The following KALRN variants were observed in gnomAD, a reference collection of about 807,000 sequenced individuals.
The protein encoded by KALRN is kalirin.
KALRN carries 70 observed loss-of-function variants against 353.7 expected under a neutral mutation model. The ratio of observed to expected loss-of-function variants is 0.20; its 90% confidence interval spans 0.16 to 0.24. KALRN has a LOEUF of 0.24. KALRN is among the 10% of genes least tolerant of loss of function. KALRN has a pLI of 1.00. For synonymous variants in KALRN, 1,391 were observed against 1,434.8 expected (o/e 0.97, Z 0.69); for missense variants, 2,791 against 3,756.7 (o/e 0.74, Z 6.72).
chr3:124,080,921 C>T (rs1227047159), intron 1 of KALRN, among the ~76,000 whole-genome samples: 1 of 152,180 alleles, frequency 6.6e-6, no homozygotes, highest in African/African-American at 2.4e-5. Flanking sequence ...AAAAGTCAAA[C>T]ACAACAATTA....
intron 34 of KALRN, among the ~76,000 whole-genome samples, chr3:124,624,250 G>T (rs377399547): frequency 6.6e-6 from 1 of 152,288 alleles, no homozygotes; most frequent in East Asian, 1.9e-4. Flanking sequence ...GCATTGCAGT[G>T]CTTGCGTTCA....
chr3:124,715,560 C>G lies in KALRN; in HGVS notation c.8277-1687C>G, dbSNP rs149635362. ...CCTACTCCACTCTACTCTGATCACTCTTACCTCACCCTTAGCAGGGTCAGA... is the reference window on the plus strand; with the variant it reads ...CCTACTCCACTCTACTCTGATCACTGTTACCTCACCCTTAGCAGGGTCAGA... On this transcript the variant is annotated intron_variant, in intron 58 of 59. Coordinates refer to ENST00000682506, the MANE Select transcript of KALRN (RefSeq NM_001388419.1). Among the ~76,000 whole-genome samples, 954 of 152,350 alleles carry G rather than the reference C, an allele frequency of 6.3e-3. 4 individuals carry two copies. Among genetic ancestry groups the G allele is most frequent in the Non-Finnish European group, 9.7e-3 (661 of 68,038 alleles).
At chr3:124,441,685 G>A (rs907328089) in intron 18 of KALRN, among the ~76,000 whole-genome samples, 1 of 152,092 alleles carries the variant, frequency 6.6e-6, no homozygotes, top group South Asian at 2.1e-4. Flanking sequence ...AGTTACCTAG[G>A]TGTGGCGGTG....
At chr3:124,395,076 C>A in intron 11 of KALRN, 59 bp from the exon 12 acceptor site, 1 of 1,402,216 alleles carries the variant, frequency 7.1e-7, no homozygotes, top group Non-Finnish European at 1.0e-6. Context: ...TCCTTGCCCT[C>A]ACCCCAGCCC....
At chr3:124,286,079 C>CTTTCTTTCT (rs376110673) in intron 5 of KALRN, among the ~76,000 whole-genome samples, 1 of 110,594 alleles carries the variant, frequency 9.0e-6, no homozygotes, top group Non-Finnish European at 1.9e-5. Context: ...TCTTTCTTTC[C>CTTTCTTTCT]TTCCTTTCTT....
chr3:124,109,311 A>G (rs995274773), intron 1 of KALRN, among the ~76,000 whole-genome samples: 3 of 151,848 alleles, frequency 2.0e-5, no homozygotes, highest in East Asian at 1.9e-4. Context: ...GATGCATTCT[A>G]GATAATTTCC....
chr3:124,583,389 G>T (rs894467614), intron 34 of KALRN, among the ~76,000 whole-genome samples: 4 of 151,980 alleles, frequency 2.6e-5, no homozygotes, highest in Non-Finnish European at 5.9e-5. Context: ...CCACTGATGT[G>T]GTCCAAGTGG....
chr3:124,244,465 G>T lies in KALRN; in HGVS notation c.263+9522G>T, dbSNP rs146767290. Among the ~76,000 whole-genome samples, 984 of 152,194 alleles carry T rather than the reference G, an allele frequency of 6.5e-3. 10 individuals carry two copies. The highest frequency in any genetic ancestry group is 0.023 in the African/African-American group (943 of 41,508). ...TTGGGCAGGCTGGTCTGGAACTCCT[G>T]ACCTCAAGTGATCCACACACCTCAG... On this transcript the variant is annotated intron_variant, in intron 3 of 59. Coordinates refer to ENST00000682506, the MANE Select transcript of KALRN (RefSeq NM_001388419.1).
At chr3:124,417,606 C>A (rs2092577560) in intron 14 of KALRN, among the ~76,000 whole-genome samples, 1 of 152,174 alleles carries the variant, frequency 6.6e-6, no homozygotes, top group Admixed American at 6.5e-5. Context: ...TAAATAAATT[C>A]TTAAAATAAA....
At chr3:124,584,672 AG>A (rs2074949715) in intron 34 of KALRN, 1 of 1,428,006 alleles carries the variant, frequency 7.0e-7, no homozygotes, top group Non-Finnish European at 9.1e-7. Context: ...GCTCCCAGTA[AG>A]TCAGAGCTGC....
intron 25 of KALRN, among the ~76,000 whole-genome samples, chr3:124,471,261 TA>T (rs1258286465): frequency 1.9e-5 from 2 of 106,624 alleles, no homozygotes; most frequent in African/African-American, 7.0e-5. Context: ...AAAGTTTTAT[TA>T]TTATTATTAT....
intron 6 of KALRN, among the ~76,000 whole-genome samples, chr3:124,303,169 A>G (rs555253691): frequency 1.4e-4 from 21 of 152,330 alleles, no homozygotes; most frequent in South Asian, 6.2e-4. Context: ...TGGGAGTGAT[A>G]TCCTACTAAA....
At position 124,618,086 on chromosome 3, in the gene KALRN, C is replaced by CTT. The variant is rs71145464; in HGVS notation, c.5183-14295_5183-14294dup. On this transcript the variant is annotated intron_variant, in intron 34 of 59. Coordinates refer to ENST00000682506, the MANE Select transcript of KALRN (RefSeq NM_001388419.1). Reference sequence around the variant, plus strand: ...GGAAAGAAAATACCAGTGCAGAAATCTTTTTTTTTTTTTTTTTTTTTTTTT... The same window carrying CTT: ...GGAAAGAAAATACCAGTGCAGAAATCTTTTTTTTTTTTTTTTTTTTTTTTTTT... Among the ~76,000 whole-genome samples the CTT allele has an allele frequency of 8.1e-4, 51 of 63,352 alleles. 12 individuals are homozygous for CTT. The highest frequency in any genetic ancestry group is 1.1e-3 in the Admixed American group (5 of 4,454). 41.6% of individuals were successfully genotyped at this position (63,352 alleles called of 152,430 possible). A position where few individuals can be genotyped will look rare whatever the true frequency, so the allele number is the denominator to read the frequency against.
At chr3:124,405,565 G>A (rs1289679058) in intron 13 of KALRN, among the ~76,000 whole-genome samples, 2 of 149,432 alleles carry the variant, frequency 1.3e-5, no homozygotes, top group African/African-American at 4.9e-5. Context: ...ATGGACACAA[G>A]TATAAAAAGG....
At chr3:124,399,686 C>G (rs1050778047) in intron 13 of KALRN, among the ~76,000 whole-genome samples, 7 of 152,216 alleles carry the variant, frequency 4.6e-5, no homozygotes, top group Admixed American at 3.9e-4. Flanking sequence ...TGATTTCTAC[C>G]TATTAAGAAA....
At chr3:124,614,692 C>T (rs538238937) in intron 34 of KALRN, among the ~76,000 whole-genome samples, 1 of 152,190 alleles carries the variant, frequency 6.6e-6, no homozygotes, top group South Asian at 2.1e-4. Context: ...CACTCAGCCT[C>T]CCAAGTAGCT....
chr3:124,278,718 A>G (rs1380120636), intron 5 of KALRN, among the ~76,000 whole-genome samples: 1 of 152,170 alleles, frequency 6.6e-6, no homozygotes, highest in Non-Finnish European at 1.5e-5. Flanking sequence ...ATGCCCCATC[A>G]CTGGGCAAAG....
At chr3:124,501,524 T>A (rs1273026555) in intron 33 of KALRN, among the ~76,000 whole-genome samples, 6 of 152,200 alleles carry the variant, frequency 3.9e-5, no homozygotes, top group Non-Finnish European at 5.9e-5. Context: ...TTCAAAGGAT[T>A]CCTGCAGTGT....
intron 1 of KALRN, among the ~76,000 whole-genome samples, chr3:124,168,813 G>T (rs1482039822): frequency 6.6e-6 from 1 of 152,178 alleles, no homozygotes; most frequent in Non-Finnish European, 1.5e-5. Flanking sequence ...TCAAGGAAGA[G>T]GACACTGGGA....
Sources: gnomAD v4.1 joint callset for allele counts (sites outside exome capture counted in the v4.1 genomes callset) on GRCh38, gnomAD v4.1.1 for gene constraint, MANE v1.5 for transcripts, NCBI Gene and HGNC (gene_info 2026-07-23, HGNC 2026-07-21) for gene names.